Variants in TEX36 observed in about 807,000 individuals in gnomAD.
The protein encoded by TEX36 is testis-expressed protein 36.
Under a neutral mutation model 13.6 loss-of-function variants are expected in TEX36, and 12 were observed. That is an observed-to-expected ratio of 0.88 (90% CI 0.56 to 1.43). The LOEUF is 1.43. Ranked by LOEUF, TEX36 falls within the 40% of genes most tolerant of loss-of-function variation. The pLI, the probability that TEX36 is intolerant of heterozygous loss-of-function variation, is 0.00. For synonymous variants in TEX36, 93 were observed against 83.0 expected (o/e 1.12, Z -0.65); for missense variants, 224 against 228.3 (o/e 0.98, Z 0.12).
At chr10:125,648,778 G>T (rs1201502740) in intron 3 of TEX36, among the ~76,000 whole-genome samples, 1 of 152,114 alleles carries the variant, frequency 6.6e-6, no homozygotes, top group Non-Finnish European at 1.5e-5. Context: ...TAGATGAAAG[G>T]CTAACTAGAT....
chr10:125,670,643 T>C (rs1404851373), intron 1 of TEX36, among the ~76,000 whole-genome samples: 18 of 152,250 alleles, frequency 1.2e-4, no homozygotes, highest in Admixed American at 1.0e-3. Flanking sequence ...TTTTGACATT[T>C]TAATCATGTA....
At chr10:125,629,319 C>A (rs72841551) in intron 3 of TEX36, among the ~76,000 whole-genome samples, 1 of 152,288 alleles carries the variant, frequency 6.6e-6, no homozygotes, top group East Asian at 1.9e-4. Context: ...TTCTGAGAAA[C>A]CTGTTTCCTC....
At chr10:125,609,858 G>A (rs965368113) in intron 3 of TEX36, among the ~76,000 whole-genome samples, 1 of 152,182 alleles carries the variant, frequency 6.6e-6, no homozygotes, top group Non-Finnish European at 1.5e-5. Flanking sequence ...TCTGTAGTGA[G>A]ATATGAGTTT....
At chr10:125,676,574 G>A (rs561293154) in intron 1 of TEX36, among the ~76,000 whole-genome samples, 1 of 151,952 alleles carries the variant, frequency 6.6e-6, no homozygotes, top group South Asian at 2.1e-4. Flanking sequence ...CATTCAGCCA[G>A]CCATTCTGTA....
intron 1 of TEX36, among the ~76,000 whole-genome samples, chr10:125,677,097 G>A (rs1169127451): frequency 2.0e-5 from 3 of 152,148 alleles, no homozygotes; most frequent in Admixed American, 6.5e-5. Context: ...CTTTATTGAT[G>A]ACTAATGCTT....
At chr10:125,636,940 C>T (rs1846630689) in intron 3 of TEX36, among the ~76,000 whole-genome samples, 1 of 152,118 alleles carries the variant, frequency 6.6e-6, no homozygotes, top group Non-Finnish European at 1.5e-5. Flanking sequence ...TCCCCTCCCC[C>T]AGGCCCCAGG....
chr10:125,582,010 G>A (rs954801442), intron 3 of TEX36, among the ~76,000 whole-genome samples: 5 of 152,334 alleles, frequency 3.3e-5, no homozygotes, highest in Middle Eastern at 3.4e-3. Flanking sequence ...ATGGTCTTAG[G>A]GGGTAAGCAG....
At chr10:125,606,625 T>C (rs1846219492) in intron 3 of TEX36, among the ~76,000 whole-genome samples, 1 of 152,198 alleles carries the variant, frequency 6.6e-6, no homozygotes, top group South Asian at 2.1e-4. Context: ...AGAGCTCTTC[T>C]GACAAACTCT....
At chr10:125,635,028 G>A (rs1032727966) in intron 3 of TEX36, among the ~76,000 whole-genome samples, 1 of 152,182 alleles carries the variant, frequency 6.6e-6, no homozygotes, top group African/African-American at 2.4e-5. Flanking sequence ...AGCAAGGCAG[G>A]GAAAGGGATT....
At chr10:125,662,487 C>T (rs963827045) in intron 1 of TEX36, among the ~76,000 whole-genome samples, 2 of 151,810 alleles carry the variant, frequency 1.3e-5, no homozygotes, top group African/African-American at 4.8e-5. Flanking sequence ...GGGGAGGTAA[C>T]GTCTAGGAGG....
In TEX36 at chr10:125,577,371, G is replaced by A. The variant is rs1375057213; in HGVS notation, c.265-497C>T. Among the ~76,000 whole-genome samples, 14 of 152,274 alleles carry A rather than the reference G, an allele frequency of 9.2e-5. No individual in the cohort carries two copies. The East Asian group carries it at 1.5e-3, about 17-fold the overall frequency. On this transcript the variant is annotated intron_variant, in intron 3 of 3. Transcript: ENST00000532135. ...AAATTAGCCAGGCATGTTGGCGCAC[G>A]CCTGTAATCCCAGCTGCTCAGAAGG...
At chr10:125,651,948 A>C (rs112017392), downstream of TEX36, among the ~76,000 whole-genome samples, 5,176 of 152,224 alleles carry the variant, frequency 0.034, 270 homozygotes, top group African/African-American at 0.11. Context: ...TTGTGAAGGA[A>C]CTCTTCAAGG....
intron 3 of TEX36, among the ~76,000 whole-genome samples, chr10:125,614,409 T>C (rs1846330867): frequency 2.0e-5 from 3 of 151,948 alleles, no homozygotes; most frequent in African/African-American, 7.3e-5. Context: ...GTTTTTATGG[T>C]TTTAGGTCTA....
chr10:125,605,737 G>T (rs374544866), intron 3 of TEX36, among the ~76,000 whole-genome samples: 1 of 152,112 alleles, frequency 6.6e-6, no homozygotes, highest in South Asian at 2.1e-4. Context: ...GAGTAGCTGG[G>T]ATTACAGGTG....
At chr10:125,667,293 G>T in intron 1 of TEX36, 1 of 631,024 alleles carries the variant, frequency 1.6e-6, no homozygotes, top group South Asian at 1.5e-5. Context: ...TAGATGTGTT[G>T]ATCACTCAGA....
intron 3 of TEX36, chr10:125,640,149 A>G (rs1021887109): frequency 1.0e-6 from 1 of 985,414 alleles, no homozygotes; most frequent in Non-Finnish European, 1.2e-6. Context: ...CAGATGTTAC[A>G]GCCAGATCAG....
chr10:125,658,596 A>C (rs756314810), intron 3 of TEX36, among the ~76,000 whole-genome samples: 3 of 152,116 alleles, frequency 2.0e-5, no homozygotes, highest in Non-Finnish European at 4.4e-5. Context: ...GCCACGACAC[A>C]CTTGTTAAAG....
chr10:125,652,320 G>A (rs1246471891), downstream of TEX36, among the ~76,000 whole-genome samples: 30 of 151,940 alleles, frequency 2.0e-4, no homozygotes, highest in African/African-American at 5.1e-4. Flanking sequence ...CAGAGCCCTC[G>A]GAAATAATAC....
chr10:125,613,869 C>A (rs1372457196), intron 3 of TEX36, among the ~76,000 whole-genome samples: 4 of 152,156 alleles, frequency 2.6e-5, no homozygotes, highest in Non-Finnish European at 5.9e-5. Flanking sequence ...GACTTCCACA[C>A]TGGTTGAACT....
Sources: gnomAD v4.1 joint callset for allele counts (sites outside exome capture counted in the v4.1 genomes callset) on GRCh38, gnomAD v4.1.1 for gene constraint, MANE v1.5 for transcripts, NCBI Gene and HGNC (gene_info 2026-07-23, HGNC 2026-07-21) for gene names.